The following ITFG1 variants were observed in gnomAD, a reference collection of about 807,000 sequenced individuals.
ITFG1 encodes integrin alpha FG-GAP repeat containing 1.
ITFG1 carries 34 observed loss-of-function variants against 81.8 expected under a neutral mutation model. That is an observed-to-expected ratio of 0.42 (90% confidence interval 0.32 to 0.55). The LOEUF (loss-of-function observed/expected upper bound fraction) is 0.55. Among genes scored for constraint, ITFG1 ranks in the 20% least tolerant of loss-of-function variants. ITFG1 has a pLI of 0.17. For synonymous variants in ITFG1, 285 were observed against 270.6 expected, an observed-to-expected ratio of 1.05 and a Z score of -0.52; for missense variants, 672 against 755.4, an observed-to-expected ratio of 0.89 and a Z score of 1.29.
chr16:47,223,013 G>A, intron 13 of ITFG1, among the ~76,000 whole-genome samples: 1 of 151,630 alleles, frequency 6.6e-6, no homozygotes. Flanking sequence ...AAATGGTGCT[G>A]GGAAAACTGG....
upstream of ITFG1, chr16:47,461,185 T>C (rs1475120138): frequency 9.2e-6 from 9 of 982,254 alleles, no homozygotes; most frequent in Non-Finnish European, 1.3e-5. Context: ...TCTCTCCCAC[T>C]AGGGCTGCCC....
chr16:47,394,466 A>C (rs1968570065), intron 6 of ITFG1, among the ~76,000 whole-genome samples: 1 of 152,144 alleles, frequency 6.6e-6, no homozygotes, highest in Admixed American at 6.5e-5. Flanking sequence ...CAGAAACAAA[A>C]TTCTATTTAT....
intron 14 of ITFG1, among the ~76,000 whole-genome samples, chr16:47,180,076 A>T (rs566184532): frequency 1.3e-5 from 2 of 152,170 alleles, no homozygotes; most frequent in Non-Finnish European, 2.9e-5. Flanking sequence ...CAGTCTAGGT[A>T]ATTATTCATT....
At chr16:47,228,622 A>G (rs1244623257) in intron 13 of ITFG1, among the ~76,000 whole-genome samples, 2 of 152,198 alleles carry the variant, frequency 1.3e-5, no homozygotes, top group African/African-American at 4.8e-5. Context: ...CTTCTGCCTC[A>G]GCCTCCCAAA....
chr16:47,211,511 C>T (rs748452500), intron 14 of ITFG1, among the ~76,000 whole-genome samples: 5 of 152,102 alleles, frequency 3.3e-5, no homozygotes, highest in African/African-American at 4.8e-5. Flanking sequence ...AACTTGGTTG[C>T]CTTTTGTTTC....
intron 10 of ITFG1, among the ~76,000 whole-genome samples, chr16:47,267,059 T>G (rs746782910): frequency 7.9e-5 from 12 of 152,166 alleles, no homozygotes; most frequent in Non-Finnish European, 1.6e-4. Context: ...GAATGACTGC[T>G]TAAGGGGTAA....
rs1266860532 is a variant in ITFG1 at position 47,275,985 on chromosome 16, T to G, written c.1071-15290A>C. The stretch of plus-strand genomic sequence containing the variant: ...AATAAACTCTTCTGAATAAAAAGAA[T>G]GTATGGTCATGAACAAGTCAATGAT... On this transcript the variant is annotated intron_variant, in intron 10 of 17. Coordinates refer to ENST00000320640, the MANE Select transcript of ITFG1 (RefSeq NM_030790.5). Among the ~76,000 whole-genome samples, 5 of 152,210 alleles carry G rather than the reference T, an allele frequency of 3.3e-5. No individual in the cohort carries two copies. The East Asian group carries it at 9.6e-4, about 29-fold the overall frequency.
intron 6 of ITFG1, among the ~76,000 whole-genome samples, chr16:47,395,440 T>C (rs1346723415): frequency 6.6e-6 from 1 of 152,212 alleles, no homozygotes; most frequent in Non-Finnish European, 1.5e-5. Flanking sequence ...GATTAAAACA[T>C]CTGGCAGGTC....
intron 8 of ITFG1, among the ~76,000 whole-genome samples, chr16:47,318,278 T>C (rs1190499003): frequency 1.3e-5 from 2 of 152,200 alleles, no homozygotes; most frequent in Non-Finnish European, 2.9e-5. Context: ...CATCCTAAAT[T>C]TCTGACTTAA....
chr16:47,355,446 A>G (rs1165198816), intron 8 of ITFG1, among the ~76,000 whole-genome samples: 5 of 152,154 alleles, frequency 3.3e-5, no homozygotes, highest in Non-Finnish European at 1.5e-5. Context: ...CTGGCAGAAT[A>G]CTTTCTGGTG....
intron 6 of ITFG1, among the ~76,000 whole-genome samples, chr16:47,411,836 A>G (rs1254803500): frequency 2.0e-5 from 3 of 152,188 alleles, no homozygotes; most frequent in South Asian, 4.1e-4. Context: ...GCTCTTGCAA[A>G]TGTAGTCAAA....
At chr16:47,391,197 T>C (rs1968525864) in intron 6 of ITFG1, among the ~76,000 whole-genome samples, 1 of 152,122 alleles carries the variant, frequency 6.6e-6, no homozygotes, top group African/African-American at 2.4e-5. Context: ...GGGAAATATG[T>C]TGACTTAGTT....
intron 7 of ITFG1, among the ~76,000 whole-genome samples, chr16:47,371,393 A>G (rs781516756): frequency 1.1e-4 from 17 of 152,228 alleles, no homozygotes; most frequent in Non-Finnish European, 2.4e-4. Flanking sequence ...GAACACTAGT[A>G]GTAATGCTGT....
chr16:47,242,850 G>C (rs1965950849), intron 12 of ITFG1, among the ~76,000 whole-genome samples: 1 of 152,146 alleles, frequency 6.6e-6, no homozygotes, highest in African/African-American at 2.4e-5. Context: ...CAGGTGAACT[G>C]GGTTAGTAAC....
chr16:47,432,993 CTTTTATAGAGTAA>C (rs1293200664), intron 5 of ITFG1, among the ~76,000 whole-genome samples: 1 of 152,172 alleles, frequency 6.6e-6, no homozygotes, highest in East Asian at 1.9e-4. Context: ...AAAACACAGA[CTTTTATAGAGTAA>C]AGCTCAATGA....
intron 7 of ITFG1, among the ~76,000 whole-genome samples, chr16:47,373,335 T>G (rs1968282676): frequency 6.6e-6 from 1 of 152,034 alleles, no homozygotes; most frequent in South Asian, 2.1e-4. Context: ...CAGGCTGGAG[T>G]GCAGTGGTGC....
At chr16:47,182,189 A>T (rs1007375463) in intron 14 of ITFG1, among the ~76,000 whole-genome samples, 8 of 152,074 alleles carry the variant, frequency 5.3e-5, no homozygotes, top group Non-Finnish European at 4.4e-5. Context: ...TAAAAAAAAA[A>T]AAAACAAAAA....
intron 6 of ITFG1, among the ~76,000 whole-genome samples, chr16:47,391,779 ACT>A (rs1004980779): frequency 3.3e-5 from 5 of 152,056 alleles, no homozygotes; most frequent in Non-Finnish European, 7.4e-5. Flanking sequence ...TTTTCTGCCC[ACT>A]CTGACACCCT....
intron 12 of ITFG1, among the ~76,000 whole-genome samples, chr16:47,249,320 G>A (rs1188130319): frequency 6.6e-6 from 1 of 152,156 alleles, no homozygotes; most frequent in Admixed American, 6.5e-5. Flanking sequence ...TTGGGAGGCT[G>A]AGGCAGGAGA....
Sources: allele counts gnomAD v4.1 joint callset (sites outside exome capture counted in the v4.1 genomes callset), GRCh38; gene constraint gnomAD v4.1.1; transcripts MANE v1.5; gene names NCBI Gene and HGNC (gene_info 2026-07-23, HGNC 2026-07-21).